PRKG2: variants seen among roughly 807,000 people sequenced by gnomAD.
The protein encoded by PRKG2 is protein kinase cGMP-dependent 2.
PRKG2 carries 33 observed loss-of-function variants against 97.2 expected under a neutral mutation model. The ratio of observed to expected loss-of-function variants is 0.34; its 90% confidence interval spans 0.26 to 0.45. The LOEUF is 0.45. PRKG2 is among the 20% of genes least tolerant of loss of function. PRKG2 has a pLI of 1.00. For missense variants in PRKG2, 638 were observed against 900.0 expected (o/e 0.71, Z 3.73); for synonymous variants, 330 against 321.8 (o/e 1.03, Z -0.27).
chr4:81,201,271 T>C (rs1392334656), intron 2 of PRKG2, among the ~76,000 whole-genome samples: 2 of 152,228 alleles, frequency 1.3e-5, no homozygotes, highest in African/African-American at 4.8e-5. Flanking sequence ...AGTTTCTTAG[T>C]GGCACTAGCT....
chr4:81,091,443 C>A (rs561534666), intron 18 of PRKG2, among the ~76,000 whole-genome samples: 1 of 151,930 alleles, frequency 6.6e-6, no homozygotes, highest in East Asian at 1.9e-4. Flanking sequence ...CCACCATGCC[C>A]GGCTAATTTT....
chr4:81,131,993 A>T (rs552312496), intron 14 of PRKG2, among the ~76,000 whole-genome samples: 3 of 152,256 alleles, frequency 2.0e-5, no homozygotes, highest in African/African-American at 7.2e-5. Context: ...CAAATTTTTA[A>T]TGCAGTAATA....
At chr4:81,109,309 A>G (rs1743674614) in intron 15 of PRKG2, among the ~76,000 whole-genome samples, 1 of 152,216 alleles carries the variant, frequency 6.6e-6, no homozygotes, top group Non-Finnish European at 1.5e-5. Context: ...ATGTGTTAAG[A>G]CTTGTATCTT....
chr4:81,092,070 T>G (rs1045705051), intron 18 of PRKG2, among the ~76,000 whole-genome samples: 2 of 152,198 alleles, frequency 1.3e-5, no homozygotes, highest in Non-Finnish European at 2.9e-5. Context: ...TTAGAAAATC[T>G]TAAGTTACAT....
At chr4:81,214,024 T>C (rs1003611287) in intron 1 of PRKG2, among the ~76,000 whole-genome samples, 6 of 151,832 alleles carry the variant, frequency 4.0e-5, no homozygotes, top group Non-Finnish European at 7.4e-5. Context: ...ACAGCTAGTG[T>C]ATGTTATGTG....
In PRKG2 at chr4:81,140,663, C is replaced by T; in HGVS notation, c.1414G>A (p.Val472Ile). Residue 472 changes from valine to isoleucine, a missense_variant, in exon 12 of 19, where the codon GTA becomes ATA. Physicochemically the swap from Val to Ile is conservative, Grantham distance 29 (BLOSUM62 3). Around this residue, in one of 3 missense-constraint regions of PRKG2, gnomAD observed 304 missense variants for 460.5 expected, o/e 0.66. Transcript: ENST00000264399. ...GCAAAAGCAACATTCTCATTTTTTA[C>T]TTTAACCTATGTAAGAAATGGAAAG... ...GGFGRVELVK[V>I]KNENVAFAMK... is the part of the protein sequence containing the mutation. The T allele has an allele frequency of 6.2e-7, 1 of 1,605,978 alleles. No individual in the cohort carries two copies. The highest frequency in any genetic ancestry group is 8.5e-7 in the Non-Finnish European group (1 of 1,173,626).
At chr4:81,141,118 C>T (rs1325347060) in intron 11 of PRKG2, among the ~76,000 whole-genome samples, 1 of 152,060 alleles carries the variant, frequency 6.6e-6, no homozygotes, top group Non-Finnish European at 1.5e-5. Context: ...TCAAGCTATC[C>T]TCCCATCTCA....
rs558360977 is a variant in PRKG2 at position 81,155,732 on chromosome 4, C to T, written c.913-2011G>A. On this transcript the variant is annotated intron_variant, in intron 6 of 18. Coordinates refer to ENST00000264399, the MANE Select transcript of PRKG2 (RefSeq NM_006259.3). Reference sequence around the variant, plus strand: ...CCCATCAGACTAACAGCAGATCTCTCGGCAGAAACTCTACAAGCCAGAAGA... The same window carrying T: ...CCCATCAGACTAACAGCAGATCTCTTGGCAGAAACTCTACAAGCCAGAAGA... Among the ~76,000 whole-genome samples, 34 of 151,730 alleles carry T rather than the reference C, an allele frequency of 2.2e-4. 1 individual carries two copies. The East Asian group carries it at 5.6e-3, about 25-fold the overall frequency.
chr4:81,146,928 T>G (rs1747907510), intron 9 of PRKG2, among the ~76,000 whole-genome samples: 1 of 151,584 alleles, frequency 6.6e-6, no homozygotes, highest in Non-Finnish European at 1.5e-5. Flanking sequence ...GATGTGTCAA[T>G]ATTAAATATG....
chr4:81,130,268 T>A (rs895667390), intron 14 of PRKG2, among the ~76,000 whole-genome samples: 7 of 152,182 alleles, frequency 4.6e-5, no homozygotes, highest in Admixed American at 3.3e-4. Context: ...CTGTTGCAGG[T>A]CTGCTGGAGG....
At position 81,174,893 on chromosome 4, in the gene PRKG2, C is replaced by T. The variant is rs1361574924; in HGVS notation, c.528G>A (p.Gln176=). 1 of 1,613,090 alleles carries T rather than the reference C, an allele frequency of 6.2e-7. No homozygotes were observed. Among genetic ancestry groups the T allele is most frequent in the Admixed American group, 1.7e-5 (1 of 59,984 alleles). The change falls in exon 3 of 19, where the codon CAG becomes CAA. Residue 176 remains glutamine (Q), a synonymous_variant. Coordinates refer to ENST00000264399, the MANE Select transcript of PRKG2 (RefSeq NM_006259.3). ...NQFLKRLDPQ[Q]IKDMVECMYG... ...ACATGCATTCCACCATGTCTTTGAT[C>T]TGCTGAGGATCCAGTCTTTTCAGAA...
In PRKG2 at chr4:81,089,331, T is replaced by C. The variant is rs1741322171; in HGVS notation, c.*377A>G. ...TTTTCCTTCTATTTGTATGACTTAG[T>C]TATTCAAGGGCAAGACCCTTTTTAA... On this transcript the variant is annotated 3_prime_UTR_variant, in exon 19 of 19. Transcript: ENST00000264399. 6.4e-6 allele frequency: 1 copy of C among 156,960 alleles called. No individual in the cohort carries two copies. The highest frequency in any genetic ancestry group is 1.4e-5 in the Non-Finnish European group (1 of 71,408). The allele number at this position is 156,960 out of a possible 1,614,324, so 9.7% of individuals were successfully genotyped here.
intron 2 of PRKG2, among the ~76,000 whole-genome samples, chr4:81,180,237 A>T (rs1032695571): frequency 9.9e-5 from 15 of 152,200 alleles, no homozygotes; most frequent in Non-Finnish European, 1.9e-4. Flanking sequence ...CATGGCAAAC[A>T]AAAAGAGAAA....
At chr4:81,141,797 A>G (rs78977521) in intron 11 of PRKG2, among the ~76,000 whole-genome samples, 14,395 of 152,248 alleles carry the variant, frequency 0.095, 2,278 homozygotes, top group African/African-American at 0.33. Context: ...CACTGCAGAC[A>G]GGTATTATCT....
chr4:81,105,697 C>G (rs1035708256), intron 16 of PRKG2, 116 bp downstream of exon 16: 17 of 1,391,554 alleles, frequency 1.2e-5, no homozygotes, highest in Middle Eastern at 1.9e-4. Flanking sequence ...ATATAATTTG[C>G]CTATATAAAA....
intron 14 of PRKG2, among the ~76,000 whole-genome samples, chr4:81,134,068 T>G (rs1461783488): frequency 1.3e-5 from 2 of 152,200 alleles, no homozygotes; most frequent in African/African-American, 4.8e-5. Context: ...CTATCTTTCA[T>G]GGATAAAATA....
At chr4:81,192,742 A>T (rs1752652744) in intron 2 of PRKG2, among the ~76,000 whole-genome samples, 1 of 151,862 alleles carries the variant, frequency 6.6e-6, no homozygotes, top group Admixed American at 6.6e-5. Flanking sequence ...GAGAAAAGTT[A>T]TGAAAACCAT....
In PRKG2 at chr4:81,151,657, A is replaced by T. The variant is rs971252257; in HGVS notation, c.1085+303T>A. On this transcript the variant is annotated intron_variant, in intron 8 of 18. Coordinates refer to ENST00000264399, the MANE Select transcript of PRKG2 (RefSeq NM_006259.3). ...TATTTCAAATGTTGGGAATATAAAG[A>T]TCTGTATACAAGTGTAATTTTTCCA... is the stretch of plus-strand genomic sequence containing the variant. Among the ~76,000 whole-genome samples, 5 of 152,116 alleles carry T rather than the reference A, an allele frequency of 3.3e-5. No individual in the cohort carries two copies. In the East Asian group the frequency reaches 9.6e-4, roughly 29 times the overall value.
chr4:81,172,077 C>T (rs543917538), intron 3 of PRKG2, among the ~76,000 whole-genome samples: 3 of 151,568 alleles, frequency 2.0e-5, no homozygotes, highest in Non-Finnish European at 2.9e-5. Context: ...TTTACAGTGG[C>T]AAGAATGAAA....
Sources: gnomAD v4.1 joint callset for allele counts (sites outside exome capture counted in the v4.1 genomes callset) on GRCh38, gnomAD v4.1.1 for gene constraint, gnomAD v4.1.1 regional missense constraint, MANE v1.5 for transcripts, NCBI Gene and HGNC (gene_info 2026-07-23, HGNC 2026-07-21) for gene names.